Variants in FGFR1OP2 observed in about 807,000 individuals in gnomAD.
The protein encoded by FGFR1OP2 is FGFR1 oncogene partner 2, also known as fibroblast growth factor receptor 1 oncogene partner 2.
FGFR1OP2 carries 17 observed loss-of-function variants against 35.2 expected under a neutral mutation model. The ratio of observed to expected loss-of-function variants is 0.48; its 90% CI spans 0.33 to 0.73. FGFR1OP2 has a LOEUF of 0.73. Ranked by LOEUF, FGFR1OP2 falls within the 30% of genes least tolerant of loss-of-function variation. The pLI, the probability that FGFR1OP2 is intolerant of heterozygous loss-of-function variation, is 0.02. For missense variants in FGFR1OP2, 251 were observed against 307.3 expected (o/e 0.82, Z 1.37); for synonymous variants, 105 against 104.6 (o/e 1.00, Z -0.03).
intron 2 of FGFR1OP2, 64 bp from the exon 3 acceptor site, chr12:26,956,479 C>CATATATATAT (rs5797206): frequency 1.1e-4 from 27 of 242,202 alleles, no homozygotes; most frequent in East Asian, 6.1e-4. Context: ...ATTTATATAT[C>CATATATATAT]ATATATATAT....
intron 4 of FGFR1OP2, among the ~76,000 whole-genome samples, chr12:26,958,944 C>A (rs1939063515): frequency 1.3e-5 from 2 of 152,048 alleles, no homozygotes; most frequent in South Asian, 4.1e-4. Context: ...GCCTTCTTTT[C>A]CCCATTTGTT....
chr12:26,951,129 T>C (rs1410784470), intron 1 of FGFR1OP2, among the ~76,000 whole-genome samples: 1 of 151,934 alleles, frequency 6.6e-6, no homozygotes, highest in Non-Finnish European at 1.5e-5. Context: ...AAACCTTAGC[T>C]GCTGAATTAA....
Position 26,965,019 on chromosome 12 carries a change from G to A in FGFR1OP2, c.*286G>A. The A allele has an allele frequency of 4.0e-6, 1 of 252,326 alleles. No individual in the cohort carries two copies. The highest frequency in any genetic ancestry group is 5.3e-5 in the Admixed American group (1 of 18,712). The allele number at this position is 252,326 out of a possible 1,614,324, so 15.6% of individuals were successfully genotyped here. A position where few individuals can be genotyped will look rare whatever the true frequency, so the allele number is the denominator to read the frequency against. ...TTTGGCAGTACTGCTGGCTTTCTGG[G>A]TGATTAATTAGGTAAACTTGAATAT... On this transcript the variant is annotated 3_prime_UTR_variant, in exon 7 of 7. Coordinates refer to ENST00000229395, the MANE Select transcript of FGFR1OP2 (RefSeq NM_015633.3).
At chr12:26,951,360 C>A (rs1439462952) in intron 1 of FGFR1OP2, among the ~76,000 whole-genome samples, 1 of 152,038 alleles carries the variant, frequency 6.6e-6, no homozygotes, top group Non-Finnish European at 1.5e-5. Context: ...CAGCCTGTTG[C>A]CCAGGCTGTA....
At chr12:26,940,398 T>A (rs1263989567) in intron 1 of FGFR1OP2, among the ~76,000 whole-genome samples, 2 of 152,254 alleles carry the variant, frequency 1.3e-5, no homozygotes, top group African/African-American at 2.4e-5. Context: ...TTCATTCCAC[T>A]ATTTTCAAGG....
Position 26,964,669 on chromosome 12 carries a change from C to T in FGFR1OP2, c.698C>T (p.Ala233Val), listed in dbSNP as rs779685571. Residue 233 changes from alanine (A) to valine (V), a missense_variant, in exon 7 of 7, where the codon GCG (alanine) becomes GTG (valine). Transcript: ENST00000229395. ...TTTTTGAACCTAAGGAAAGATGATG[C>T]GTCGGAAAGTACTTCTTTGTCAGCA... ...ESFLNLRKDD[A>V]SESTSLSALV... is the part of the protein sequence containing the mutation. 33 of 1,612,264 alleles carry T rather than the reference C, an allele frequency of 2.0e-5. No homozygotes were observed. In the South Asian group the frequency reaches 2.2e-4, roughly 11 times the overall value.
rs1185914824 is a variant in FGFR1OP2 at position 26,957,733 on chromosome 12, A to G, written c.386A>G (p.Gln129Arg). Residue 129 changes from glutamine (Q) to arginine (R), a missense_variant, in exon 4 of 7, where the codon CAG becomes CGG. Transcript: ENST00000229395. Reference protein sequence around the residue: ...DPGIIMKLKEQHSKIDMVHRN... With the variant: ...DPGIIMKLKERHSKIDMVHRN... ...GGTATAATAATGAAGTTAAAAGAGC[A>G]GCACTCCAAGGTAATCCATTCTATA... The G allele has an allele frequency of 1.2e-6, 2 of 1,613,278 alleles. No homozygotes were observed. The highest frequency in any genetic ancestry group is 1.7e-5 in the Admixed American group (1 of 59,916).
intron 1 of FGFR1OP2, among the ~76,000 whole-genome samples, chr12:26,951,092 T>C (rs1023804117): frequency 6.6e-5 from 10 of 152,206 alleles, no homozygotes; most frequent in African/African-American, 2.2e-4. Context: ...CAGTTGAGGT[T>C]TATAATTGCT....
At chr12:26,959,942 T>G (rs948307953) in intron 4 of FGFR1OP2, among the ~76,000 whole-genome samples, 1 of 151,918 alleles carries the variant, frequency 6.6e-6, no homozygotes, top group Admixed American at 6.6e-5. Flanking sequence ...AATCCCAAAG[T>G]AGATGAATTG....
chr12:26,963,015 G>A (rs755311874), intron 5 of FGFR1OP2: 3 of 168,808 alleles, frequency 1.8e-5, no homozygotes, highest in Non-Finnish European at 2.5e-5. Flanking sequence ...TATCATTCCC[G>A]TTACTTTGAA....
intron 2 of FGFR1OP2, among the ~76,000 whole-genome samples, chr12:26,955,828 T>C (rs1050833820): frequency 2.0e-5 from 3 of 152,310 alleles, no homozygotes; most frequent in African/African-American, 7.2e-5. Flanking sequence ...TTTTCTTGGG[T>C]ATATATGTAG....
In FGFR1OP2 at chr12:26,942,858, A is replaced by C. The variant is rs541275698; in HGVS notation, c.-15+4148A>C. 3.4e-4 allele frequency among the ~76,000 whole-genome samples: 52 copies of C among 152,238 alleles called. No homozygotes were observed. The South Asian group carries it at 0.01, about 30-fold the overall frequency. On this transcript the variant is annotated intron_variant, in intron 1 of 6. Coordinates refer to ENST00000229395, the MANE Select transcript of FGFR1OP2 (RefSeq NM_015633.3). ...CTAGATACAAGTCCTTAGTTGGATA[A>C]GTGATTTGAAATATTTTCTCCCAGC...
At chr12:26,963,176 G>C (rs965155423) in intron 5 of FGFR1OP2, 166 bp from the exon 6 acceptor site, 1 of 457,112 alleles carries the variant, frequency 2.2e-6, no homozygotes, top group Non-Finnish European at 4.0e-6. Context: ...GATTTCAAAA[G>C]CACATCTGTG....
chr12:26,938,938 A>G lies in FGFR1OP2; in HGVS notation c.-15+228A>G, dbSNP rs571635993. On this transcript the variant is annotated intron_variant, in intron 1 of 6. Coordinates refer to ENST00000229395, the MANE Select transcript of FGFR1OP2 (RefSeq NM_015633.3). ...AGATGCGGTGCGGAAAGTTCAATGAAAAGCCTTGGCTCTAACCCTGTGGAC... is the reference window on the plus strand; with the variant it reads ...AGATGCGGTGCGGAAAGTTCAATGAGAAGCCTTGGCTCTAACCCTGTGGAC... 8.5e-5 allele frequency among the ~76,000 whole-genome samples: 13 copies of G among 152,200 alleles called. No homozygotes were observed. In the East Asian group the frequency reaches 2.5e-3, roughly 30 times the overall value.
chr12:26,951,623 G>A (rs965914386), intron 1 of FGFR1OP2, among the ~76,000 whole-genome samples: 4 of 151,926 alleles, frequency 2.6e-5, no homozygotes, highest in African/African-American at 9.7e-5. Flanking sequence ...CCCAGCCCAA[G>A]GTATACAATA....
intron 1 of FGFR1OP2, among the ~76,000 whole-genome samples, chr12:26,940,566 T>A (rs1278400869): frequency 6.6e-6 from 1 of 152,190 alleles, no homozygotes; most frequent in Admixed American, 6.5e-5. Flanking sequence ...TCCATATGGG[T>A]CAGTTCATAT....
chr12:26,949,310 G>T (rs931584814), intron 1 of FGFR1OP2, among the ~76,000 whole-genome samples: 1 of 151,736 alleles, frequency 6.6e-6, no homozygotes, highest in Non-Finnish European at 1.5e-5. Flanking sequence ...TAATTTTTTT[G>T]TATTTAGTAG....
At chr12:26,951,938 CTT>C (rs576407311) in intron 1 of FGFR1OP2, among the ~76,000 whole-genome samples, 1 of 152,064 alleles carries the variant, frequency 6.6e-6, no homozygotes, top group Non-Finnish European at 1.5e-5. Context: ...CCAAGGTAAA[CTT>C]TATTTTCTCT....
In FGFR1OP2 at chr12:26,953,542, C is replaced by G. The variant is rs138745770; in HGVS notation, c.-14-603C>G. ...TCCTAAGTCAAAACTTTTTTTTGCA[C>G]TTTAAGGAAGATGCAAGAGTTAGAA... On this transcript the variant is annotated intron_variant, in intron 1 of 6. Coordinates refer to ENST00000229395, the MANE Select transcript of FGFR1OP2 (RefSeq NM_015633.3). 1.2e-4 allele frequency: 18 copies of G among 152,080 alleles called. 1 individual carries two copies. The East Asian group carries it at 2.7e-3, about 23-fold the overall frequency. The allele number at this position is 152,080 out of a possible 1,614,324, so 9.4% of individuals were successfully genotyped here.
Sources: gnomAD v4.1 joint callset for allele counts (sites outside exome capture counted in the v4.1 genomes callset) on GRCh38, gnomAD v4.1.1 for gene constraint, MANE v1.5 for transcripts, NCBI Gene and HGNC (gene_info 2026-07-23, HGNC 2026-07-21) for gene names.